The following CARF variants were observed in gnomAD, a reference collection of about 807,000 sequenced individuals.
The protein encoded by CARF is calcium responsive transcription factor.
A neutral mutation model predicts 82.0 loss-of-function variants in CARF; 57 were observed. That is an observed-to-expected ratio of 0.70 (90% CI 0.56 to 0.87). The LOEUF (loss-of-function observed/expected upper bound fraction) is 0.87. CARF is among the 40% of genes least tolerant of loss of function. The pLI, the probability that CARF is intolerant of heterozygous loss-of-function variation, is 0.00. For synonymous variants in CARF, 268 were observed against 290.1 expected, an observed-to-expected ratio of 0.92 and a Z score of 0.77; for missense variants, 771 against 855.8, an observed-to-expected ratio of 0.90 and a Z score of 1.24.
intron 2 of CARF, among the ~76,000 whole-genome samples, chr2:202,920,715 G>T (rs746446688): frequency 4.0e-5 from 6 of 151,850 alleles, no homozygotes; most frequent in Non-Finnish European, 8.8e-5. Flanking sequence ...TATTTAAATC[G>T]TATTCTTGAC....
rs188573352 is a variant in CARF, at chr2:202,970,832, T to C, written c.1098-673T>C. On this transcript the variant is annotated intron_variant, in intron 11 of 16. Coordinates refer to ENST00000438828, the MANE Select transcript of CARF (RefSeq NM_024744.17). ...CAATTAAAGCAGTATCCTACCAGATTAGTTCATTTTCCTACCGTCTACTTT... is the reference window on the plus strand; with the variant it reads ...CAATTAAAGCAGTATCCTACCAGATCAGTTCATTTTCCTACCGTCTACTTT... 4.6e-5 allele frequency among the ~76,000 whole-genome samples: 7 copies of C among 152,104 alleles called. No homozygotes were observed. In the East Asian group the frequency reaches 1.3e-3, roughly 29 times the overall value.
chr2:202,913,552 T>C (rs1689052676), intron 1 of CARF, among the ~76,000 whole-genome samples: 1 of 152,222 alleles, frequency 6.6e-6, no homozygotes, highest in Admixed American at 6.5e-5. Context: ...AGAAAACCTC[T>C]GTGCTGAAGT....
intron 8 of CARF, among the ~76,000 whole-genome samples, chr2:202,958,704 A>C (rs1332046414): frequency 1.3e-5 from 2 of 152,216 alleles, no homozygotes; most frequent in Non-Finnish European, 2.9e-5. Context: ...CAAGAGATTG[A>C]GACCATCCTG....
chr2:202,947,010 G>A (rs944783064), intron 5 of CARF, among the ~76,000 whole-genome samples: 3 of 152,150 alleles, frequency 2.0e-5, no homozygotes, highest in South Asian at 2.1e-4. Flanking sequence ...AAATAGGAAC[G>A]CTTTTACACT....
intron 14 of CARF, among the ~76,000 whole-genome samples, chr2:202,979,675 C>T (rs1188445572): frequency 6.6e-6 from 1 of 151,872 alleles, no homozygotes; most frequent in Non-Finnish European, 1.5e-5. Context: ...GTGTCACACA[C>T]CTGTAGTCCC....
intron 8 of CARF, among the ~76,000 whole-genome samples, chr2:202,956,237 T>TTATTTATG (rs1185723683): frequency 4.6e-5 from 7 of 152,032 alleles, no homozygotes; most frequent in East Asian, 1.9e-4. Flanking sequence ...ACCAGTTTAT[T>TTATTTATG]TATTTATGTA....
At chr2:202,949,516 T>TTTA (rs201031888) in intron 5 of CARF, among the ~76,000 whole-genome samples, 1,630 of 91,580 alleles carry the variant, frequency 0.018, 13 homozygotes, top group Non-Finnish European at 0.022. Context: ...TTGTTATTTA[T>TTTA]TTATTATTAT....
intron 10 of CARF, among the ~76,000 whole-genome samples, chr2:202,968,402 AAAAAAAT>A (rs2059640488): frequency 2.6e-5 from 4 of 152,140 alleles, no homozygotes; most frequent in Non-Finnish European, 5.9e-5. Flanking sequence ...ACTCTGTCTC[AAAAAAAT>A]AAAATAAAAT....
chr2:202,982,362 G>C lies in CARF; in HGVS notation c.1980G>C (p.Leu660=). ...EVGDVEDTGN[L]EGTVHRILLG... ...GAGATGTTGAGGATACAGGGAATCT[G>C]GAAGGAACTGTTCATCGGATTCTGT... The change falls in exon 16 of 17, where the codon CTG becomes CTC. Residue 660 remains leucine, a synonymous_variant. Coordinates refer to ENST00000438828, the MANE Select transcript of CARF (RefSeq NM_024744.17). The C allele has an allele frequency of 2.5e-6, 4 of 1,614,132 alleles. No homozygotes were observed. The highest frequency in any genetic ancestry group is 3.4e-6 in the Non-Finnish European group (4 of 1,180,010).
chr2:202,947,004 A>G (rs2105823303), intron 5 of CARF, among the ~76,000 whole-genome samples: 1 of 152,344 alleles, frequency 6.6e-6, no homozygotes, highest in Non-Finnish European at 1.5e-5. Context: ...GTGGAGAAAT[A>G]GGAACGCTTT....
intron 14 of CARF, among the ~76,000 whole-genome samples, 158 bp downstream of exon 14, chr2:202,977,490 C>G (rs1388888132): frequency 2.0e-5 from 3 of 152,182 alleles, no homozygotes; most frequent in Non-Finnish European, 4.4e-5. Flanking sequence ...ATACTTCCTA[C>G]TATTTTAATT....
Position 202,985,758 on chromosome 2 carries a change from A to G in CARF, c.*2134A>G, listed in dbSNP as rs1387684650. On this transcript the variant is annotated 3_prime_UTR_variant, in exon 17 of 17. Transcript: ENST00000438828. The stretch of plus-strand genomic sequence containing the variant: ...TAAATCGTTACGTCTCAATAGTGGT[A>G]ATAGTGGTAATGGTTTATTATTAGC... The G allele has an allele frequency of 1.3e-5, 2 of 152,138 alleles. No homozygotes were observed. Among genetic ancestry groups the G allele is most frequent in the Non-Finnish European group, 2.9e-5 (2 of 67,986 alleles). 9.4% of individuals were successfully genotyped at this position (152,138 alleles called of 1,614,324 possible). A position where few individuals can be genotyped will look rare whatever the true frequency, so the allele number is the denominator to read the frequency against.
In CARF at chr2:202,966,911, C is replaced by CT. The variant is rs2059576215; in HGVS notation, c.833-63dup. ...TTTTGACATTGCCACCACCAAGTTA[C>CT]TTTTAATCTAGTGTCTAGAATAGAT... is the stretch of plus-strand genomic sequence containing the variant. On this transcript the variant is annotated intron_variant, in intron 9 of 16. Coordinates refer to ENST00000438828, the MANE Select transcript of CARF (RefSeq NM_024744.17). 3.4e-6 allele frequency: 5 copies of CT among 1,490,308 alleles called. No homozygotes were observed. The South Asian group carries it at 6.8e-5, about 20-fold the overall frequency. 92.3% of individuals were successfully genotyped at this position (1,490,308 alleles called of 1,614,324 possible).
intron 9 of CARF, among the ~76,000 whole-genome samples, chr2:202,964,883 G>GTACA (rs1553568395): frequency 2.1e-5 from 3 of 144,940 alleles, no homozygotes; most frequent in Non-Finnish European, 4.5e-5. Context: ...ACATATATGT[G>GTACA]TATATATATA....
At chr2:202,930,466 A>G (rs1692683863) in intron 3 of CARF, among the ~76,000 whole-genome samples, 1 of 152,132 alleles carries the variant, frequency 6.6e-6, no homozygotes, top group Non-Finnish European at 1.5e-5. Context: ...CCTATGTCCA[A>G]GTTCAGAAAT....
At chr2:202,949,644 G>T (rs1198393901) in intron 5 of CARF, among the ~76,000 whole-genome samples, 1 of 151,086 alleles carries the variant, frequency 6.6e-6, no homozygotes, top group Non-Finnish European at 1.5e-5. Context: ...CCCACCTCCT[G>T]GGTTCAAGCG....
chr2:202,973,915 T>C (rs919768445), intron 12 of CARF, among the ~76,000 whole-genome samples: 7 of 152,000 alleles, frequency 4.6e-5, no homozygotes, highest in East Asian at 1.9e-4. Flanking sequence ...AGTGAAACCC[T>C]GTCTCTACTA....
Position 202,943,166 on chromosome 2 carries a change from A to C in CARF, c.306+199A>C, listed in dbSNP as rs572263298. On this transcript the variant is annotated intron_variant, in intron 5 of 16. Coordinates refer to ENST00000438828, the MANE Select transcript of CARF (RefSeq NM_024744.17). The stretch of plus-strand genomic sequence containing the variant: ...GGTTCACTGCAACCTCTGCCTTCCG[A>C]GTTCAAGCGATTCTCCTGCCTAAGC... 3.9e-5 allele frequency among the ~76,000 whole-genome samples: 6 copies of C among 152,034 alleles called. No homozygotes were observed. In the East Asian group the frequency reaches 1.2e-3, roughly 29 times the overall value.
At chr2:202,920,435 G>A (rs180706935) in intron 2 of CARF, among the ~76,000 whole-genome samples, 35 of 152,228 alleles carry the variant, frequency 2.3e-4, no homozygotes, top group South Asian at 4.1e-4. Flanking sequence ...GATTACAGGC[G>A]TAAGCCACCG....
Sources: gnomAD v4.1 joint callset for allele counts (sites outside exome capture counted in the v4.1 genomes callset) on GRCh38, gnomAD v4.1.1 for gene constraint, MANE v1.5 for transcripts, NCBI Gene and HGNC (gene_info 2026-07-23, HGNC 2026-07-21) for gene names.